The following AFF3 variants were observed in gnomAD, a reference collection of about 807,000 sequenced individuals.
AFF3 encodes ALF transcription elongation factor 3, also known as AF4/FMR2 family member 3.
Under a neutral mutation model 129.7 loss-of-function variants are expected in AFF3, and 32 were observed. The ratio of observed to expected loss-of-function variants is 0.25; its 90% CI spans 0.19 to 0.33. The LOEUF is 0.33. AFF3 is among the 10% of genes least tolerant of loss of function. The pLI is 1.00. For missense variants in AFF3, 1,373 were observed against 1,592.0 expected, an observed-to-expected ratio of 0.86 and a Z score of 2.34; for synonymous variants, 644 against 635.4, an observed-to-expected ratio of 1.01 and a Z score of -0.20.
intron 7 of AFF3, among the ~76,000 whole-genome samples, chr2:99,896,780 C>T (rs1393817829): frequency 6.6e-6 from 1 of 151,692 alleles, no homozygotes; most frequent in Non-Finnish European, 1.5e-5. Flanking sequence ...GGACTACAGG[C>T]ACGCACCACC....
At chr2:99,962,890 A>G (rs1677371743) in intron 7 of AFF3, among the ~76,000 whole-genome samples, 1 of 144,730 alleles carries the variant, frequency 6.9e-6, no homozygotes, top group African/African-American at 2.5e-5. Flanking sequence ...TAATAATAAT[A>G]ATGGCTGAAA....
intron 1 of AFF3, among the ~76,000 whole-genome samples, chr2:100,141,173 C>T (rs2105619966): frequency 6.6e-6 from 1 of 152,264 alleles, no homozygotes; most frequent in South Asian, 2.1e-4. Flanking sequence ...TAGTGACTTG[C>T]CTAAAACCAT....
chr2:100,082,679 T>C (rs1292610046), intron 4 of AFF3, among the ~76,000 whole-genome samples: 3 of 152,248 alleles, frequency 2.0e-5, no homozygotes, highest in South Asian at 4.2e-4. Flanking sequence ...AAAAGGGATA[T>C]GTGAAGCTAT....
intron 11 of AFF3, among the ~76,000 whole-genome samples, chr2:99,690,911 G>A (rs1675595994): frequency 6.6e-6 from 1 of 151,856 alleles, no homozygotes; most frequent in African/African-American, 2.4e-5. Flanking sequence ...AGGAGATGGG[G>A]ACGGATAACA....
intron 11 of AFF3, among the ~76,000 whole-genome samples, chr2:99,715,083 C>T (rs1471323873): frequency 1.3e-5 from 2 of 152,224 alleles, no homozygotes; most frequent in African/African-American, 4.8e-5. Context: ...ATCCTTCACT[C>T]TGGGGAGAGG....
chr2:99,553,001 T>G (rs891626865), intron 24 of AFF3, among the ~76,000 whole-genome samples: 1 of 152,172 alleles, frequency 6.6e-6, no homozygotes, highest in Non-Finnish European at 1.5e-5. Flanking sequence ...GGTGCGATCT[T>G]GGCTGTCTGC....
intron 4 of AFF3, among the ~76,000 whole-genome samples, chr2:100,074,194 C>T (rs1298133073): frequency 6.6e-6 from 1 of 152,184 alleles, no homozygotes; most frequent in Non-Finnish European, 1.5e-5. Flanking sequence ...AATGACTTTG[C>T]TGCGTTTTAC....
intron 11 of AFF3, among the ~76,000 whole-genome samples, chr2:99,693,342 C>G (rs948814304): frequency 2.6e-5 from 4 of 152,014 alleles, no homozygotes; most frequent in Non-Finnish European, 5.9e-5. Context: ...TAATCAGATT[C>G]TTGGAAATAA....
At chr2:99,875,902 T>A (rs1012431982) in intron 7 of AFF3, among the ~76,000 whole-genome samples, 1 of 152,164 alleles carries the variant, frequency 6.6e-6, no homozygotes, top group Non-Finnish European at 1.5e-5. Flanking sequence ...CCATTCACGA[T>A]CTGCATGTTG....
At chr2:100,110,915 C>A (rs1252955450) in intron 2 of AFF3, among the ~76,000 whole-genome samples, 1 of 152,204 alleles carries the variant, frequency 6.6e-6, no homozygotes, top group Non-Finnish European at 1.5e-5. Flanking sequence ...CAATAAGACA[C>A]CCGTTTATGT....
At chr2:99,636,514 G>C (rs950288203) in intron 13 of AFF3, among the ~76,000 whole-genome samples, 1 of 152,222 alleles carries the variant, frequency 6.6e-6, no homozygotes, top group Non-Finnish European at 1.5e-5. Flanking sequence ...CTCGGGATGA[G>C]AGCGGCAATG....
intron 4 of AFF3, among the ~76,000 whole-genome samples, chr2:100,086,371 A>T (rs1403798394): frequency 1.3e-5 from 2 of 151,614 alleles, no homozygotes; most frequent in Non-Finnish European, 3.0e-5. Flanking sequence ...ATATACAAAA[A>T]TTAGCTGGGT....
At chr2:99,784,266 C>A (rs1253764362) in intron 8 of AFF3, among the ~76,000 whole-genome samples, 1 of 152,230 alleles carries the variant, frequency 6.6e-6, no homozygotes, top group Admixed American at 6.5e-5. Context: ...TTGGGTGAGT[C>A]TCCACAAGTC....
chr2:100,008,045 A>C (rs1383100676), intron 5 of AFF3: 2 of 153,190 alleles, frequency 1.3e-5, no homozygotes, highest in African/African-American at 4.8e-5. Context: ...GATTACCTGG[A>C]AATCAGGAAA....
intron 11 of AFF3, among the ~76,000 whole-genome samples, chr2:99,725,003 C>G (rs1206617647): frequency 6.6e-6 from 1 of 151,844 alleles, no homozygotes; most frequent in Non-Finnish European, 1.5e-5. Flanking sequence ...TAGAATCTCC[C>G]TCTGTCACCC....
At chr2:99,589,397 ATTTTTTTTTTTTT>A (rs55888825) in intron 15 of AFF3, among the ~76,000 whole-genome samples, 1 of 103,384 alleles carries the variant, frequency 9.7e-6, no homozygotes. Context: ...AGATGTCAAC[ATTTTTTTTTTTTT>A]TTTTTTTTTT....
At chr2:99,786,416 G>A (rs1340488717) in intron 8 of AFF3, among the ~76,000 whole-genome samples, 1 of 152,138 alleles carries the variant, frequency 6.6e-6, no homozygotes, top group African/African-American at 2.4e-5. Context: ...GATTAACACG[G>A]CCATAAAGCG....
At chr2:100,025,078 A>G (rs935395260) in intron 4 of AFF3, among the ~76,000 whole-genome samples, 2 of 152,174 alleles carry the variant, frequency 1.3e-5, no homozygotes, top group African/African-American at 4.8e-5. Context: ...TGTAAAATTA[A>G]GGTAGTAACT....
At chr2:99,680,494 T>G (rs1028405146) in intron 11 of AFF3, among the ~76,000 whole-genome samples, 2 of 152,168 alleles carry the variant, frequency 1.3e-5, no homozygotes, top group African/African-American at 4.8e-5. Context: ...CTGTACAGAT[T>G]TGGTGGTGGA....
Sources: allele counts gnomAD v4.1 joint callset (sites outside exome capture counted in the v4.1 genomes callset), GRCh38; gene constraint gnomAD v4.1.1; transcripts MANE v1.5; gene names NCBI Gene and HGNC (gene_info 2026-07-23, HGNC 2026-07-21).